PPP1R21: variants seen among roughly 807,000 people sequenced by gnomAD.
PPP1R21 encodes protein phosphatase 1 regulatory subunit 21, also known as KLRAQ motif containing 1.
A neutral mutation model predicts 112.8 loss-of-function variants in PPP1R21; 85 were observed. That is an observed-to-expected ratio of 0.75 (90% CI 0.63 to 0.90). The LOEUF is 0.90. Among genes scored for constraint, PPP1R21 ranks in the 40% least tolerant of loss-of-function variants. PPP1R21 has a pLI of 0.00. For missense variants in PPP1R21, 1,199 were observed against 901.5 expected, an observed-to-expected ratio of 1.33 and a Z score of -4.23; for synonymous variants, 381 against 322.3, an observed-to-expected ratio of 1.18 and a Z score of -1.95.
In PPP1R21 at chr2:48,459,767, A is replaced by C; in HGVS notation, c.389A>C (p.Asp130Ala). 4 of 1,612,676 alleles carry C rather than the reference A, an allele frequency of 2.5e-6. No homozygotes were observed. The highest frequency in any genetic ancestry group is 2.5e-6 in the Non-Finnish European group (3 of 1,179,622). The change falls in exon 5 of 22, where the codon GAT becomes GCT. Residue 130 changes from aspartate to alanine, a missense_variant. Asp to Ala is a moderately radical substitution (Grantham distance 126). Coordinates refer to ENST00000294952, the MANE Select transcript of PPP1R21 (RefSeq NM_001135629.3). ...TTCTCTTTTTAGTTTTTTGAAGCTGATGAGCAGCACAAGCATGTGGAAGCA... is the reference window on the plus strand; with the variant it reads ...TTCTCTTTTTAGTTTTTTGAAGCTGCTGAGCAGCACAAGCATGTGGAAGCA... ...ERLHIQFFEA[D>A]EQHKHVEAEL...
chr2:48,450,906 CTTAG>C, intron 1 of PPP1R21, 98 bp from the exon 2 acceptor site: 2 of 875,074 alleles, frequency 2.3e-6, no homozygotes, highest in Non-Finnish European at 3.8e-6. Flanking sequence ...TGAGAAGCTA[CTTAG>C]TTACTCAGTG....
intron 17 of PPP1R21, 68 bp from the exon 18 acceptor site, chr2:48,505,496 A>G (rs187577231): frequency 8.6e-7 from 1 of 1,163,192 alleles, no homozygotes; most frequent in East Asian, 2.6e-5. Flanking sequence ...AAATATTAAA[A>G]GCGTTTGATC....
intron 1 of PPP1R21, among the ~76,000 whole-genome samples, chr2:48,447,289 A>G (rs1190947601): frequency 6.6e-6 from 1 of 152,184 alleles, no homozygotes; most frequent in African/African-American, 2.4e-5. Flanking sequence ...GGTTGGCCAA[A>G]GTGAAGAAGG....
At chr2:48,455,875 G>A (rs749942768) in intron 3 of PPP1R21, among the ~76,000 whole-genome samples, 3 of 151,960 alleles carry the variant, frequency 2.0e-5, no homozygotes, top group Non-Finnish European at 2.9e-5. Context: ...TTAGCTGGGC[G>A]TGTTGGCAGG....
chr2:48,477,116 ATTTTTTTTTT>A (rs779139882), intron 12 of PPP1R21, among the ~76,000 whole-genome samples: 1 of 114,770 alleles, frequency 8.7e-6, no homozygotes, highest in Non-Finnish European at 1.8e-5. Context: ...TTTTGAATTA[ATTTTTTTTTT>A]TTTTTTTTTT....
intron 18 of PPP1R21, among the ~76,000 whole-genome samples, chr2:48,506,005 C>G (rs560363066): frequency 6.6e-6 from 1 of 152,338 alleles, no homozygotes; most frequent in East Asian, 1.9e-4. Flanking sequence ...GTAGCTGTTT[C>G]TTGCCCACAA....
intron 3 of PPP1R21, among the ~76,000 whole-genome samples, chr2:48,456,202 A>C (rs546854366): frequency 2.7e-5 from 4 of 150,688 alleles, no homozygotes; most frequent in Non-Finnish European, 5.9e-5. Context: ...TTATTGCTCT[A>C]AGGTGGATAA....
At chr2:48,503,179 A>T (rs959042783) in intron 17 of PPP1R21, among the ~76,000 whole-genome samples, 2 of 152,240 alleles carry the variant, frequency 1.3e-5, no homozygotes, top group African/African-American at 4.8e-5. Flanking sequence ...TTAAATTAAT[A>T]GAATTTTTAA....
At chr2:48,458,868 G>A (rs980052403) in intron 4 of PPP1R21, among the ~76,000 whole-genome samples, 8 of 151,926 alleles carry the variant, frequency 5.3e-5, no homozygotes, top group Non-Finnish European at 8.8e-5. Flanking sequence ...CAAGGTGGGC[G>A]GATCACGAGG....
At chr2:48,444,493 A>T (rs977428673) in intron 1 of PPP1R21, among the ~76,000 whole-genome samples, 2 of 152,234 alleles carry the variant, frequency 1.3e-5, no homozygotes, top group Non-Finnish European at 2.9e-5. Flanking sequence ...AGAGAGGCAA[A>T]AAGTGCTGAG....
chr2:48,472,981 G>C (rs565065381), intron 11 of PPP1R21, among the ~76,000 whole-genome samples: 3 of 148,504 alleles, frequency 2.0e-5, no homozygotes, highest in South Asian at 2.1e-4. Context: ...ATATCAGCCT[G>C]GGTGATAGAG....
At chr2:48,479,752 T>C (rs967889368) in intron 12 of PPP1R21, among the ~76,000 whole-genome samples, 172 bp from the exon 13 acceptor site, 1 of 152,268 alleles carries the variant, frequency 6.6e-6, no homozygotes, top group South Asian at 2.1e-4. Flanking sequence ...ATCATTTAGA[T>C]GTGCTTATGT....
intron 2 of PPP1R21, among the ~76,000 whole-genome samples, chr2:48,453,517 A>G (rs753565935): frequency 5.3e-5 from 8 of 152,172 alleles, no homozygotes; most frequent in Non-Finnish European, 1.0e-4. Flanking sequence ...ACAGTATTAC[A>G]TGGCCATCTG....
At chr2:48,441,285 T>G (rs1558403527) in intron 1 of PPP1R21, 2 of 520,272 alleles carry the variant, frequency 3.8e-6, no homozygotes, top group Non-Finnish European at 7.0e-6. Flanking sequence ...GACTGGGATG[T>G]CAGAAATTCT....
chr2:48,481,508 A>G (rs1470110620), intron 13 of PPP1R21, among the ~76,000 whole-genome samples: 1 of 152,198 alleles, frequency 6.6e-6, no homozygotes, highest in Non-Finnish European at 1.5e-5. Context: ...CTCTTCCAGA[A>G]CTTTACTTAA....
At position 48,440,805 on chromosome 2, in the gene PPP1R21, G is replaced by C. The variant is rs1366066415; in HGVS notation, c.-149G>C. ...CCACCCCGGGAACCCGGAAGTGGAG[G>C]AGGAGGCGCGGCGGCGGCGGCGGCG... On this transcript the variant is annotated 5_prime_UTR_variant, in exon 1 of 22. Transcript: ENST00000294952. The C allele has an allele frequency of 7.8e-6, 5 of 643,828 alleles. No homozygotes were observed. The Admixed American group carries it at 1.3e-4, about 17-fold the overall frequency. The allele number at this position is 643,828 out of a possible 1,614,324, so 39.9% of individuals were successfully genotyped here. A position where few individuals can be genotyped will look rare whatever the true frequency, so the allele number is the denominator to read the frequency against.
At chr2:48,470,114 A>G (rs982502369) in intron 9 of PPP1R21, among the ~76,000 whole-genome samples, 1 of 152,228 alleles carries the variant, frequency 6.6e-6, no homozygotes, top group African/African-American at 2.4e-5. Flanking sequence ...ATAAATGAAA[A>G]TAATCTTTTT....
chr2:48,514,407 G>C (rs1285824141), intron 21 of PPP1R21, among the ~76,000 whole-genome samples: 1 of 152,090 alleles, frequency 6.6e-6, no homozygotes, highest in African/African-American at 2.4e-5. Flanking sequence ...AGACTCTCTT[G>C]TCTTTGGAAC....
At chr2:48,509,438 G>C (rs1410419803) in intron 19 of PPP1R21, among the ~76,000 whole-genome samples, 1 of 151,816 alleles carries the variant, frequency 6.6e-6, no homozygotes, top group African/African-American at 2.4e-5. Context: ...GGGTGCTGTG[G>C]CTCACACCTG....
Sources: gnomAD v4.1 joint callset for allele counts (sites outside exome capture counted in the v4.1 genomes callset) on GRCh38, gnomAD v4.1.1 for gene constraint, MANE v1.5 for transcripts, NCBI Gene and HGNC (gene_info 2026-07-23, HGNC 2026-07-21) for gene names.